Variants in BLTP1 observed in about 807,000 individuals in gnomAD.
The protein encoded by BLTP1 is fragile site-associated protein.
chr4:122,204,310 A>G, the BLTP1 span: 139 of 976,548 alleles, frequency 1.4e-4, no homozygotes, highest in African/African-American at 2.2e-3. Context: ...AAGGAAAGAC[A>G]CTAAGGTCTG....
At chr4:122,217,758 A>G in the BLTP1 span, among the ~76,000 whole-genome samples, 37,965 of 151,970 alleles carry the variant, frequency 0.25, 5,706 homozygotes, top group Middle Eastern at 0.49. Flanking sequence ...CTCCCTCTTT[A>G]TCTTTTGGAA....
the BLTP1 span, chr4:122,362,542 G>T: frequency 5.6e-6 from 1 of 178,466 alleles, no homozygotes; most frequent in Non-Finnish European, 1.2e-5. Context: ...CAGAATAACT[G>T]TGAATTTTTT....
the BLTP1 span, chr4:122,197,985 A>G: frequency 1.0e-6 from 1 of 985,006 alleles, no homozygotes; most frequent in African/African-American, 1.7e-5. Context: ...CAACTTACCC[A>G]CATTTAAAAT....
chr4:122,336,070 T>C, the BLTP1 span: 1 of 667,198 alleles, frequency 1.5e-6, no homozygotes, highest in Non-Finnish European at 2.4e-6. Context: ...CTACTTTTAT[T>C]ATTTTCTTGT....
the BLTP1 span, chr4:122,199,222 C>G: frequency 8.5e-7 from 1 of 1,174,792 alleles, no homozygotes; most frequent in Non-Finnish European, 1.2e-6. Context: ...CTCCCTGTCA[C>G]TGAGGTGTGT....
the BLTP1 span, among the ~76,000 whole-genome samples, chr4:122,188,759 G>A: frequency 6.6e-6 from 1 of 152,016 alleles, no homozygotes; most frequent in Non-Finnish European, 1.5e-5. Context: ...GTGTGTAAAG[G>A]ATACTCTGGT....
At chr4:122,161,221 T>A in the BLTP1 span, 1 of 614,308 alleles carries the variant, frequency 1.6e-6, no homozygotes, top group African/African-American at 2.0e-5. Context: ...GTCCAAAGAT[T>A]GTGATTTCAT....
At chr4:122,237,544 A>G in the BLTP1 span, 4 of 425,466 alleles carry the variant, frequency 9.4e-6, no homozygotes, top group Non-Finnish European at 9.4e-6. Context: ...TAGAAGATAT[A>G]TGGGGTTCTT....
At chr4:122,354,204 A>T in the BLTP1 span, among the ~76,000 whole-genome samples, 3 of 152,250 alleles carry the variant, frequency 2.0e-5, no homozygotes, top group Admixed American at 2.0e-4. Context: ...TCATGGACTC[A>T]ACTTATTTTA....
chr4:122,173,015 T>C, the BLTP1 span: 2 of 1,612,302 alleles, frequency 1.2e-6, no homozygotes, highest in African/African-American at 2.7e-5. Context: ...CTATTATTTC[T>C]GATTTTTTTC....
the BLTP1 span, chr4:122,222,889 C>A: frequency 1.6e-6 from 1 of 612,774 alleles, no homozygotes; most frequent in Non-Finnish European, 2.0e-6. Context: ...ATGATGCAAA[C>A]TGTAATAACA....
the BLTP1 span, among the ~76,000 whole-genome samples, chr4:122,165,231 C>T: frequency 6.6e-6 from 1 of 151,976 alleles, no homozygotes; most frequent in African/African-American, 2.4e-5. Flanking sequence ...CTCCCCCGCA[C>T]CCTATGATAG....
the BLTP1 span, chr4:122,331,905 A>G: frequency 3.9e-5 from 17 of 434,396 alleles, no homozygotes; most frequent in Non-Finnish European, 4.6e-5. Flanking sequence ...TGAGAGTTTG[A>G]TAAGTTCATA....
the BLTP1 span, chr4:122,198,295 G>T: frequency 1.0e-6 from 1 of 985,302 alleles, no homozygotes; most frequent in Non-Finnish European, 1.2e-6. Context: ...TGAAGGAAAT[G>T]TTTGAGATTC....
chr4:122,203,012 C>T, the BLTP1 span, among the ~76,000 whole-genome samples: 1 of 151,872 alleles, frequency 6.6e-6, no homozygotes. Flanking sequence ...TTTTAAAAGA[C>T]ATATAGCATA....
the BLTP1 span, chr4:122,309,516 TAA>T: frequency 7.9e-6 from 12 of 1,521,756 alleles, no homozygotes; most frequent in East Asian, 2.3e-5. Flanking sequence ...AATAAAACAT[TAA>T]GTCTCCATTT....
chr4:122,299,220 G>C, the BLTP1 span: 1 of 873,158 alleles, frequency 1.1e-6, no homozygotes, highest in Non-Finnish European at 1.4e-6. Flanking sequence ...AACAAAATGT[G>C]ATAAAGAACT....
the BLTP1 span, chr4:122,207,599 C>A: frequency 6.2e-7 from 1 of 1,602,206 alleles, no homozygotes; most frequent in Non-Finnish European, 8.5e-7. Context: ...CTTTTACGGA[C>A]TTTGTTCCAG....
the BLTP1 span, chr4:122,208,180 C>T: frequency 5.9e-6 from 5 of 853,460 alleles, no homozygotes; most frequent in Non-Finnish European, 7.0e-6. Context: ...TTTCTGGGTA[C>T]TACATAGACA....
Sources: allele counts gnomAD v4.1 joint callset (sites outside exome capture counted in the v4.1 genomes callset), GRCh38; gene constraint gnomAD v4.1.1; transcripts MANE v1.5; gene names NCBI Gene and HGNC (gene_info 2026-07-23, HGNC 2026-07-21).